Variants in OR7E24 observed in about 807,000 individuals in gnomAD.
OR7E24 encodes olfactory receptor family 7 subfamily E member 24.
For missense variants in OR7E24, 385 were observed against 410.3 expected (o/e 0.94, Z 0.53); for synonymous variants, 130 against 157.5 (o/e 0.83, Z 1.31).
At chr19:9,240,137 G>T in the OR7E24 span, among the ~76,000 whole-genome samples, 2 of 152,096 alleles carry the variant, frequency 1.3e-5, no homozygotes, top group African/African-American at 2.4e-5. Context: ...TCTCCAAAGT[G>T]CTGGGTTTAC....
chr19:9,214,492 C>A, the OR7E24 span: 1 of 1,614,048 alleles, frequency 6.2e-7, no homozygotes. Flanking sequence ...GCCATCACGG[C>A]CAGTAGGAAA....
chr19:9,244,208 C>A (rs1255148558), upstream of OR7E24, among the ~76,000 whole-genome samples: 1 of 152,166 alleles, frequency 6.6e-6, no homozygotes, highest in African/African-American at 2.4e-5. Context: ...TTATCCAACT[C>A]AATGTACAAT....
the OR7E24 span, chr19:9,214,992 T>C: frequency 3.4e-6 from 2 of 592,824 alleles, no homozygotes; most frequent in East Asian, 5.6e-5. Context: ...TCTCAGGAAG[T>C]GGTATCTATT....
At chr19:9,228,609 A>G in the OR7E24 span, among the ~76,000 whole-genome samples, 77 of 152,272 alleles carry the variant, frequency 5.1e-4, no homozygotes, top group Admixed American at 9.8e-4. Flanking sequence ...CCTAAAATCA[A>G]CAAAGGCTTC....
chr19:9,214,642 G>A, the OR7E24 span: 11 of 1,614,056 alleles, frequency 6.8e-6, no homozygotes, highest in African/African-American at 1.2e-4. Context: ...ACAAAGGACA[G>A]GTTGGAGAGG....
chr19:9,240,582 T>C, the OR7E24 span, among the ~76,000 whole-genome samples: 40 of 152,314 alleles, frequency 2.6e-4, no homozygotes, highest in African/African-American at 9.1e-4. Context: ...CCATTGTCCT[T>C]TGTATCTGTG....
At chr19:9,248,646 A>G (rs1386295103), upstream of OR7E24, among the ~76,000 whole-genome samples, 1 of 152,206 alleles carries the variant, frequency 6.6e-6, no homozygotes, top group Non-Finnish European at 1.5e-5. Context: ...AGATCCCAGA[A>G]AGAACTGGCA....
the OR7E24 span, among the ~76,000 whole-genome samples, chr19:9,238,018 T>G: frequency 6.6e-6 from 1 of 152,192 alleles, no homozygotes; most frequent in Non-Finnish European, 1.5e-5. Context: ...GGTTCATGCC[T>G]GTAATCCCAG....
At chr19:9,236,066 C>T in the OR7E24 span, 1 of 1,547,200 alleles carries the variant, frequency 6.5e-7, no homozygotes, top group East Asian at 2.2e-5. Context: ...CTTAGCAGGG[C>T]AGCCTCTTGT....
At chr19:9,248,928 A>T (rs1178609881), upstream of OR7E24, among the ~76,000 whole-genome samples, 1 of 152,206 alleles carries the variant, frequency 6.6e-6, no homozygotes, top group Non-Finnish European at 1.5e-5. Flanking sequence ...CATGCCCCTG[A>T]TCTGTGTGAC....
the OR7E24 span, chr19:9,214,994 G>T: frequency 1.7e-6 from 1 of 590,194 alleles, no homozygotes; most frequent in Non-Finnish European, 3.0e-6. Flanking sequence ...TCAGGAAGTG[G>T]TATCTATTTT....
At chr19:9,227,749 C>CTTTTTTTT in the OR7E24 span, among the ~76,000 whole-genome samples, 26 of 107,906 alleles carry the variant, frequency 2.4e-4, no homozygotes, top group East Asian at 5.7e-3. Context: ...AATGGTATTT[C>CTTTTTTTT]TTTTTTTTTT....
chr19:9,251,214 G>C lies in OR7E24; in HGVS notation c.171G>C (p.Val57=). ...GLFLSMYLVT[V]LGNLLIILAV... ...TCCTGTCCATGTACCTGGTCACGGT[G>C]CTGGGGAACCTGCTCATCATCCTGG... Residue 57 remains valine, a synonymous_variant, in exon 1 of 1, where the codon GTG becomes GTC. Coordinates refer to ENST00000456448, the MANE Select transcript of OR7E24 (RefSeq NM_001079935.2). 1 of 1,614,048 alleles carries C rather than the reference G, an allele frequency of 6.2e-7. No individual in the cohort carries two copies. Among genetic ancestry groups the C allele is most frequent in the Admixed American group, 1.7e-5 (1 of 59,998 alleles).
upstream of OR7E24, among the ~76,000 whole-genome samples, chr19:9,242,518 G>A (rs1238945790): frequency 2.0e-5 from 3 of 152,142 alleles, no homozygotes; most frequent in African/African-American, 7.2e-5. Context: ...CCAAAGTGCT[G>A]GGATTATAGG....
the OR7E24 span, chr19:9,213,735 C>T: frequency 3.2e-6 from 2 of 617,806 alleles, no homozygotes; most frequent in Non-Finnish European, 5.6e-6. Context: ...CAGACTCTGT[C>T]TCAAAAACAA....
At chr19:9,207,322 G>A in the OR7E24 span, 1 of 152,170 alleles carries the variant, frequency 6.6e-6, no homozygotes, top group African/African-American at 2.4e-5. Context: ...TTTATGAAGT[G>A]TGGGGTAGGT....
At chr19:9,235,963 GC>G in the OR7E24 span, 11 of 1,611,394 alleles carry the variant, frequency 6.8e-6, no homozygotes, top group Admixed American at 1.7e-5. Flanking sequence ...CAGCTCCATG[GC>G]CTCAGTGATG....
the OR7E24 span, among the ~76,000 whole-genome samples, chr19:9,233,543 T>C: frequency 2.0e-5 from 3 of 152,224 alleles, no homozygotes; most frequent in Non-Finnish European, 4.4e-5. Context: ...TTTTCTCTTC[T>C]TGGAAGAATC....
chr19:9,241,131 T>A, the OR7E24 span, among the ~76,000 whole-genome samples: 4 of 152,178 alleles, frequency 2.6e-5, no homozygotes, highest in African/African-American at 7.2e-5. Flanking sequence ...ATCTGTTTTT[T>A]ATTTGATTTG....
Sources: allele counts gnomAD v4.1 joint callset (sites outside exome capture counted in the v4.1 genomes callset), GRCh38; gene constraint gnomAD v4.1.1; transcripts MANE v1.5; gene names NCBI Gene and HGNC (gene_info 2026-07-23, HGNC 2026-07-21).